The following GLI2 variants were observed in gnomAD, a reference collection of about 807,000 sequenced individuals.
GLI2 encodes the protein transcription activator GLI2.
GLI2 carries 22 observed loss-of-function variants against 78.9 expected under a neutral mutation model. That is an observed-to-expected ratio of 0.28 (90% CI 0.20 to 0.40). GLI2 has a LOEUF of 0.40. Ranked by LOEUF, GLI2 falls within the 10% of genes least tolerant of loss-of-function variation. The pLI is 1.00. For synonymous variants in GLI2, 974 were observed against 963.7 expected (o/e 1.01, Z -0.20); for missense variants, 2,097 against 2,213.2 (o/e 0.95, Z 1.05).
intron 1 of GLI2, among the ~76,000 whole-genome samples, chr2:120,784,381 C>A (rs1011008023): frequency 6.6e-6 from 1 of 152,106 alleles, no homozygotes; most frequent in Non-Finnish European, 1.5e-5. Context: ...GTTCATCAGA[C>A]AGGTGTTTTT....
intron 2 of GLI2, among the ~76,000 whole-genome samples, chr2:120,799,131 T>A (rs969822853): frequency 2.0e-5 from 3 of 152,206 alleles, no homozygotes; most frequent in African/African-American, 7.2e-5. Flanking sequence ...TGAGTTCTCA[T>A]TATTGGTGCA....
chr2:120,823,890 C>G (rs1685906025), intron 2 of GLI2, among the ~76,000 whole-genome samples: 1 of 152,232 alleles, frequency 6.6e-6, no homozygotes. Flanking sequence ...GTTCACATTC[C>G]TGGTGGCCCT....
intron 1 of GLI2, among the ~76,000 whole-genome samples, chr2:120,792,925 T>G (rs950163332): frequency 8.5e-5 from 13 of 152,172 alleles, no homozygotes; most frequent in Admixed American, 7.8e-4. Context: ...CTGGCTGAAC[T>G]TGTAGATTAT....
chr2:120,826,741 C>T (rs1428122050), intron 2 of GLI2, among the ~76,000 whole-genome samples: 1 of 152,208 alleles, frequency 6.6e-6, no homozygotes, highest in Non-Finnish European at 1.5e-5. Context: ...TGCCTATGGC[C>T]TCTTGACCCC....
intron 5 of GLI2, among the ~76,000 whole-genome samples, chr2:120,964,299 T>TG (rs1266602761): frequency 2.6e-5 from 4 of 152,186 alleles, no homozygotes; most frequent in African/African-American, 9.6e-5. Context: ...GGAGACCTGG[T>TG]GGCTGGAGTG....
chr2:120,877,924 G>C (rs1207334244), intron 2 of GLI2, among the ~76,000 whole-genome samples: 1 of 152,178 alleles, frequency 6.6e-6, no homozygotes, highest in African/African-American at 2.4e-5. Context: ...CATGTGGTCA[G>C]CTCTGATAAA....
intron 5 of GLI2, among the ~76,000 whole-genome samples, chr2:120,963,553 G>A (rs1681690748): frequency 6.6e-6 from 1 of 151,808 alleles, no homozygotes; most frequent in South Asian, 2.1e-4. Context: ...GTTTGTGTGT[G>A]TGTCCACCTG....
chr2:120,828,679 AGC>A (rs1363919177), intron 2 of GLI2, among the ~76,000 whole-genome samples: 1 of 152,210 alleles, frequency 6.6e-6, no homozygotes, highest in African/African-American at 2.4e-5. Context: ...TATTAATTAC[AGC>A]CAAATCCGCT....
chr2:120,851,867 A>C (rs1010465327), intron 2 of GLI2, among the ~76,000 whole-genome samples: 2 of 152,228 alleles, frequency 1.3e-5, no homozygotes, highest in Non-Finnish European at 2.9e-5. Context: ...GATGCCCCCC[A>C]CTGGGTACTG....
At chr2:120,780,647 G>A (rs1683816162) in intron 1 of GLI2, among the ~76,000 whole-genome samples, 1 of 152,190 alleles carries the variant, frequency 6.6e-6, no homozygotes, top group South Asian at 2.1e-4. Flanking sequence ...TGGTATCACT[G>A]TCCACTACAC....
intron 2 of GLI2, among the ~76,000 whole-genome samples, chr2:120,849,897 A>C (rs72835573): frequency 0.095 from 14,454 of 152,292 alleles, 919 homozygotes; most frequent in African/African-American, 0.19. Flanking sequence ...ACAGGATGCT[A>C]TGAAATAAGA....
At chr2:120,955,152 CCT>C (rs553620808) in intron 4 of GLI2, 91 bp from the exon 5 acceptor site, 107,082 of 301,028 alleles carry the variant, frequency 0.36, 44,567 homozygotes, top group East Asian at 0.47. Context: ...TTTCTCTCTG[CCT>C]TTTTTTTTTT....
chr2:120,786,151 C>T (rs574409650), intron 1 of GLI2, among the ~76,000 whole-genome samples: 4 of 152,320 alleles, frequency 2.6e-5, no homozygotes, highest in African/African-American at 7.2e-5. Flanking sequence ...CCACCCTGGA[C>T]GGGTCTCAGC....
rs149819397 is a variant in GLI2, at chr2:120,968,719, C to T, written c.649C>T (p.Arg217Cys). ...HDYLNPVDVSRFSSPRVTPRL... is the reference protein window; with the variant it reads ...HDYLNPVDVSCFSSPRVTPRL... The stretch of plus-strand genomic sequence containing the variant: ...TTGTGTTGACTATCCCACAGTGTCC[C>T]GTTTCTCCAGCCCGCGGGTGACGCC... The change falls in exon 6 of 14, where the codon CGT becomes TGT. Residue 217 changes from arginine to cysteine, a missense_variant. Around this residue, in one of 5 missense-constraint regions of GLI2, gnomAD observed 578 missense variants for 612.0 expected, o/e 0.94. Coordinates refer to ENST00000361492, the MANE Select transcript of GLI2 (RefSeq NM_001374353.1). 160 of 1,612,430 alleles carry T rather than the reference C, an allele frequency of 9.9e-5. No individual in the cohort carries two copies. Among genetic ancestry groups the T allele is most frequent in the Non-Finnish European group, 1.2e-4 (147 of 1,178,992 alleles).
chr2:120,744,755 A>G (rs1416018239), intron 1 of GLI2, among the ~76,000 whole-genome samples: 1 of 152,182 alleles, frequency 6.6e-6, no homozygotes, highest in African/African-American at 2.4e-5. Flanking sequence ...TAAGGCTGCA[A>G]AGGTCTCTAG....
At chr2:120,904,109 G>A (rs1678399221) in intron 2 of GLI2, among the ~76,000 whole-genome samples, 1 of 152,164 alleles carries the variant, frequency 6.6e-6, no homozygotes, top group Non-Finnish European at 1.5e-5. Flanking sequence ...GACAGCCATG[G>A]GCAGTGGGCA....
intron 2 of GLI2, among the ~76,000 whole-genome samples, chr2:120,814,355 A>G (rs893935807): frequency 6.6e-6 from 1 of 152,128 alleles, no homozygotes. Context: ...CTGTGTCTGT[A>G]TGATTTTGTG....
chr2:120,941,787 A>G (rs1680459317), intron 3 of GLI2, among the ~76,000 whole-genome samples: 1 of 152,200 alleles, frequency 6.6e-6, no homozygotes, highest in Non-Finnish European at 1.5e-5. Flanking sequence ...TCTTGGCCCA[A>G]AGGCAGGGCT....
intron 2 of GLI2, among the ~76,000 whole-genome samples, chr2:120,881,780 GGGGAGAACAGTGGGAGAAGACAGT>G (rs1558854531): frequency 5.6e-4 from 1 of 1,796 alleles, no homozygotes; most frequent in Non-Finnish European, 1.4e-3. Context: ...GGAGAACAGT[GGGGAGAACAGTGGGAGAAGACAGT>G]GGGGGAGAAC....
Sources: gnomAD v4.1 joint callset for allele counts (sites outside exome capture counted in the v4.1 genomes callset) on GRCh38, gnomAD v4.1.1 for gene constraint, gnomAD v4.1.1 regional missense constraint, MANE v1.5 for transcripts, NCBI Gene and HGNC (gene_info 2026-07-23, HGNC 2026-07-21) for gene names.